The following RANBP2 variants were observed in gnomAD, a reference collection of about 807,000 sequenced individuals.
RANBP2 encodes the protein E3 SUMO-protein ligase RanBP2.
Under a neutral mutation model 303.6 loss-of-function variants are expected in RANBP2, and 57 were observed. The ratio of observed to expected loss-of-function variants is 0.19; its 90% CI spans 0.15 to 0.23. The LOEUF (loss-of-function observed/expected upper bound fraction) is 0.23, where lower values mean the gene tolerates loss of function less well. Among genes scored for constraint, RANBP2 ranks in the 10% least tolerant of loss-of-function variants. The pLI is 1.00. For synonymous variants in RANBP2, 1,167 were observed against 1,301.5 expected (o/e 0.90, Z 2.23); for missense variants, 3,138 against 3,780.8 (o/e 0.83, Z 4.46).
the RANBP2 span, among the ~76,000 whole-genome samples, chr2:108,866,037 G>C: frequency 6.6e-6 from 1 of 152,172 alleles, no homozygotes; most frequent in Non-Finnish European, 1.5e-5. Flanking sequence ...TGTGCAAGAG[G>C]ACTATGGTAG....
chr2:109,670,963 A>G, the RANBP2 span, among the ~76,000 whole-genome samples: 1 of 152,050 alleles, frequency 6.6e-6, no homozygotes, highest in African/African-American at 2.4e-5. Flanking sequence ...TCCAATCCCC[A>G]CCCCAGGCCC....
At chr2:109,031,463 C>T in the RANBP2 span, among the ~76,000 whole-genome samples, 5 of 152,250 alleles carry the variant, frequency 3.3e-5, no homozygotes, top group Admixed American at 1.3e-4. Context: ...TACTGTTGCA[C>T]CGGGGACTGG....
the RANBP2 span, among the ~76,000 whole-genome samples, chr2:109,537,822 C>A: frequency 6.8e-6 from 1 of 147,014 alleles, no homozygotes; most frequent in Non-Finnish European, 1.5e-5. Context: ...TGGATCTCCA[C>A]CTGGGACTCC....
the RANBP2 span, among the ~76,000 whole-genome samples, chr2:109,161,476 G>A: frequency 6.6e-6 from 1 of 152,172 alleles, no homozygotes; most frequent in East Asian, 1.9e-4. Flanking sequence ...CTGGAGCATG[G>A]TTGGGTGACG....
the RANBP2 span, among the ~76,000 whole-genome samples, chr2:109,095,346 A>G: frequency 2.6e-5 from 4 of 152,246 alleles, no homozygotes; most frequent in Non-Finnish European, 5.9e-5. Context: ...TTTTACATAC[A>G]ATGTGTAGGG....
At chr2:109,704,696 C>T in the RANBP2 span, among the ~76,000 whole-genome samples, 1 of 151,648 alleles carries the variant, frequency 6.6e-6, no homozygotes, top group Non-Finnish European at 1.5e-5. Context: ...CTAAAAAATA[C>T]AAAAATTAGC....
At chr2:109,223,189 T>C in the RANBP2 span, among the ~76,000 whole-genome samples, 4 of 152,222 alleles carry the variant, frequency 2.6e-5, no homozygotes, top group Non-Finnish European at 5.9e-5. Context: ...CCACAGATCA[T>C]GAATGCTTTG....
At chr2:109,006,196 CT>C in the RANBP2 span, among the ~76,000 whole-genome samples, 5 of 151,072 alleles carry the variant, frequency 3.3e-5, no homozygotes, top group Non-Finnish European at 7.4e-5. Flanking sequence ...TTTTCTTTTT[CT>C]TTTTTTTTAA....
the RANBP2 span, among the ~76,000 whole-genome samples, chr2:109,462,517 A>G: frequency 6.6e-6 from 1 of 152,136 alleles, no homozygotes; most frequent in African/African-American, 2.4e-5. Flanking sequence ...GGAGAGTTGA[A>G]TAGGGATGTG....
the RANBP2 span, among the ~76,000 whole-genome samples, chr2:108,961,657 G>A: frequency 6.6e-6 from 1 of 152,314 alleles, no homozygotes; most frequent in Non-Finnish European, 1.5e-5. Context: ...GAAACTCTAT[G>A]GTCAGAACAC....
At chr2:108,881,477 T>G in the RANBP2 span, among the ~76,000 whole-genome samples, 2 of 152,268 alleles carry the variant, frequency 1.3e-5, no homozygotes, top group East Asian at 3.8e-4. Flanking sequence ...GTGTGTTGTC[T>G]GGAGTAGCAC....
At chr2:109,030,865 G>A in the RANBP2 span, among the ~76,000 whole-genome samples, 1 of 152,106 alleles carries the variant, frequency 6.6e-6, no homozygotes, top group Non-Finnish European at 1.5e-5. Context: ...TGGGACCACA[G>A]GTGCACCACA....
chr2:108,818,617 A>C, the RANBP2 span, among the ~76,000 whole-genome samples: 1 of 152,210 alleles, frequency 6.6e-6, no homozygotes, highest in Non-Finnish European at 1.5e-5. Context: ...ACTTGTGGCC[A>C]TCGCAAGCAG....
At chr2:109,518,734 C>T in the RANBP2 span, among the ~76,000 whole-genome samples, 1 of 151,972 alleles carries the variant, frequency 6.6e-6, no homozygotes, top group Admixed American at 6.6e-5. Context: ...TAAAGAAATA[C>T]CCAAGACCGG....
At chr2:108,748,144 T>G (rs1392002114) in intron 8 of RANBP2, among the ~76,000 whole-genome samples, 1 of 152,182 alleles carries the variant, frequency 6.6e-6, no homozygotes, top group Non-Finnish European at 1.5e-5. Flanking sequence ...AGACTATGAT[T>G]TTTTGATTGC....
the RANBP2 span, among the ~76,000 whole-genome samples, chr2:109,711,634 G>A: frequency 4.6e-5 from 7 of 152,112 alleles, no homozygotes; most frequent in Non-Finnish European, 7.3e-5. Context: ...AGGAAGCCTC[G>A]CTGGCCTGGC....
chr2:108,937,902 T>C, the RANBP2 span, among the ~76,000 whole-genome samples: 93 of 152,226 alleles, frequency 6.1e-4, no homozygotes, highest in Middle Eastern at 0.014. Context: ...TGGACAGAGG[T>C]AGGTTTGAGT....
At chr2:109,459,591 G>C in the RANBP2 span, among the ~76,000 whole-genome samples, 1 of 152,162 alleles carries the variant, frequency 6.6e-6, no homozygotes, top group East Asian at 1.9e-4. Context: ...TGTCCACTAT[G>C]GAGTGCAGTC....
At chr2:108,937,803 C>A in the RANBP2 span, among the ~76,000 whole-genome samples, 3 of 152,076 alleles carry the variant, frequency 2.0e-5, no homozygotes, top group East Asian at 1.9e-4. Context: ...CCCAGACAGG[C>A]CCCATGCACA....
Sources: allele counts gnomAD v4.1 joint callset (sites outside exome capture counted in the v4.1 genomes callset), GRCh38; gene constraint gnomAD v4.1.1; transcripts MANE v1.5; gene names NCBI Gene and HGNC (gene_info 2026-07-23, HGNC 2026-07-21).